NAV3: variants seen among roughly 807,000 people sequenced by gnomAD.
The protein encoded by NAV3 is neuron navigator 3, also known as pore membrane and/or filament interacting like protein 1.
Under a neutral mutation model 244.7 loss-of-function variants are expected in NAV3, and 87 were observed. That is an observed-to-expected ratio of 0.36 (90% confidence interval 0.30 to 0.42). NAV3 has a LOEUF of 0.42. NAV3 is among the 20% of genes least tolerant of loss of function. The pLI, the probability that NAV3 is intolerant of heterozygous loss-of-function variation, is 1.00. For missense variants in NAV3, 2,663 were observed against 2,893.3 expected (o/e 0.92, Z 1.83); for synonymous variants, 1,126 against 1,042.2 (o/e 1.08, Z -1.55).
At chr12:77,577,694 TG>T in intron 2 of NAV3, among the ~76,000 whole-genome samples, 1 of 152,292 alleles carries the variant, frequency 6.6e-6, no homozygotes, top group East Asian at 1.9e-4. Flanking sequence ...GAGTATTAGT[TG>T]CCATTAATTA....
intron 12 of NAV3, among the ~76,000 whole-genome samples, chr12:78,068,083 C>G (rs1311657574): frequency 1.3e-5 from 2 of 151,886 alleles, no homozygotes; most frequent in Non-Finnish European, 2.9e-5. Flanking sequence ...CTATAATAGA[C>G]ATAAGTATTG....
At chr12:77,824,669 G>T (rs890563660) in intron 2 of NAV3, among the ~76,000 whole-genome samples, 9 of 151,922 alleles carry the variant, frequency 5.9e-5, no homozygotes, top group Non-Finnish European at 1.2e-4. Flanking sequence ...GAGGAAGGTG[G>T]ATTACCTGAA....
chr12:77,952,490 T>C (rs1890994873), intron 3 of NAV3, among the ~76,000 whole-genome samples: 1 of 152,156 alleles, frequency 6.6e-6, no homozygotes, highest in Admixed American at 6.6e-5. Context: ...ACTGTCTTGA[T>C]TACTGTTTTG....
chr12:78,040,546 A>C (rs2137072273), intron 9 of NAV3, among the ~76,000 whole-genome samples: 1 of 152,314 alleles, frequency 6.6e-6, no homozygotes, highest in East Asian at 1.9e-4. Context: ...TAAAATTAAT[A>C]TGAAAAGATG....
At chr12:78,025,820 T>G (rs968643617) in intron 9 of NAV3, among the ~76,000 whole-genome samples, 1 of 152,094 alleles carries the variant, frequency 6.6e-6, no homozygotes, top group African/African-American at 2.4e-5. Flanking sequence ...ATATGATCTC[T>G]GCACAACAGC....
chr12:77,733,920 A>T (rs983062569), intron 2 of NAV3, among the ~76,000 whole-genome samples: 6 of 150,722 alleles, frequency 4.0e-5, no homozygotes, highest in African/African-American at 1.5e-4. Flanking sequence ...GAGGGAGTAA[A>T]CTCAATTGGT....
intron 2 of NAV3, among the ~76,000 whole-genome samples, chr12:77,822,895 G>T (rs924072057): frequency 9.2e-5 from 14 of 151,802 alleles, no homozygotes; most frequent in Non-Finnish European, 1.9e-4. Context: ...AGAATGGATT[G>T]GAAAAAAAAG....
chr12:77,698,406 T>C (rs1363780321), intron 2 of NAV3, among the ~76,000 whole-genome samples: 1 of 152,138 alleles, frequency 6.6e-6, no homozygotes, highest in Admixed American at 6.6e-5. Flanking sequence ...ATAGTGTCAA[T>C]GCAAATAGAG....
intron 2 of NAV3, among the ~76,000 whole-genome samples, chr12:77,663,244 A>G (rs1003116961): frequency 2.6e-5 from 4 of 152,202 alleles, no homozygotes; most frequent in African/African-American, 9.6e-5. Context: ...TTTTCCCCAC[A>G]GTAATAACTG....
At chr12:77,866,995 T>G (rs1592830800) in intron 1 of NAV3, among the ~76,000 whole-genome samples, 1 of 152,128 alleles carries the variant, frequency 6.6e-6, no homozygotes, top group Non-Finnish European at 1.5e-5. Context: ...ATCTCTAGAG[T>G]TGTGACACTA....
chr12:77,809,441 T>A (rs1049724317), intron 2 of NAV3, among the ~76,000 whole-genome samples: 1 of 152,312 alleles, frequency 6.6e-6, no homozygotes, highest in Admixed American at 6.5e-5. Flanking sequence ...CTCAACCCCT[T>A]GTGCTTCCCG....
chr12:77,573,598 G>A (rs1358914068), intron 2 of NAV3, among the ~76,000 whole-genome samples: 1 of 152,120 alleles, frequency 6.6e-6, no homozygotes, highest in Non-Finnish European at 1.5e-5. Flanking sequence ...TTACCCAGAG[G>A]AGATGTCACA....
At chr12:78,009,445 C>CAAAAAAAAAAAAAAAAAAAAAA (rs35722033) in intron 8 of NAV3, among the ~76,000 whole-genome samples, 1 of 69,896 alleles carries the variant, frequency 1.4e-5, no homozygotes, top group South Asian at 7.8e-4. Flanking sequence ...GAGGGAAACT[C>CAAAAAAAAAAAAAAAAAAAAAA]AAAAAAAAAA....
chr12:77,656,747 T>C (rs1348998518), intron 2 of NAV3, among the ~76,000 whole-genome samples: 1 of 150,492 alleles, frequency 6.6e-6, no homozygotes, highest in Admixed American at 6.6e-5. Context: ...ACAGAAATTA[T>C]AACAAACTAT....
chr12:77,833,030 C>T (rs1873985052), intron 1 of NAV3, among the ~76,000 whole-genome samples: 1 of 152,354 alleles, frequency 6.6e-6, no homozygotes, highest in South Asian at 2.1e-4. Flanking sequence ...ATCCCACCTT[C>T]ACCTGTTCAG....
intron 2 of NAV3, among the ~76,000 whole-genome samples, chr12:77,669,844 G>A (rs1396393870): frequency 1.3e-5 from 2 of 151,866 alleles, no homozygotes; most frequent in Non-Finnish European, 2.9e-5. Flanking sequence ...ACAACAAATG[G>A]ACTTAACAAA....
At chr12:77,786,049 T>C (rs901466516) in intron 2 of NAV3, among the ~76,000 whole-genome samples, 6 of 152,186 alleles carry the variant, frequency 3.9e-5, no homozygotes, top group African/African-American at 1.4e-4. Flanking sequence ...TCAAATTCTC[T>C]CACCTAAGCT....
At position 77,732,001 on chromosome 12, in the gene NAV3, G is replaced by A. The variant is rs368330578; in HGVS notation, c.72+159735G>A. On this transcript the variant is annotated intron_variant, in intron 2 of 8. Coordinates refer to the NAV3 transcript ENST00000550042. ...AATAGGTTTATAGGCTACAGAGAAC[G>A]AGTCGGTAGAAAGGAAGAGTTTGAA... Among the ~76,000 whole-genome samples, 52 of 151,916 alleles carry A rather than the reference G, an allele frequency of 3.4e-4. 1 individual carries two copies. In the East Asian group the frequency reaches 8.9e-3, roughly 26 times the overall value.
chr12:77,597,906 C>T (rs1266204502), intron 2 of NAV3, among the ~76,000 whole-genome samples: 1 of 151,882 alleles, frequency 6.6e-6, no homozygotes, highest in East Asian at 1.9e-4. Flanking sequence ...AGCAAGCCTC[C>T]CTATATCTCT....
Sources: gnomAD v4.1 joint callset for allele counts (sites outside exome capture counted in the v4.1 genomes callset) on GRCh38, gnomAD v4.1.1 for gene constraint, MANE v1.5 for transcripts, NCBI Gene and HGNC (gene_info 2026-07-23, HGNC 2026-07-21) for gene names.